DMC1: variants seen among roughly 807,000 people sequenced by gnomAD.
The protein encoded by DMC1 is meiotic recombination protein DMC1 homolog.
In DMC1, 27 loss-of-function variants were observed where a neutral mutation model predicts 50.1. The ratio of observed to expected loss-of-function variants is 0.54; its 90% confidence interval spans 0.40 to 0.74. The LOEUF (loss-of-function observed/expected upper bound fraction) is 0.74. Ranked by LOEUF, DMC1 falls within the 30% of genes least tolerant of loss-of-function variation. The pLI is 0.00. For synonymous variants in DMC1, 148 were observed against 136.1 expected (o/e 1.09, Z -0.61); for missense variants, 295 against 420.2 (o/e 0.70, Z 2.60).
intron 12 of DMC1, among the ~76,000 whole-genome samples, chr22:38,522,641 A>G (rs2090041603): frequency 1.3e-5 from 2 of 152,156 alleles, no homozygotes; most frequent in South Asian, 4.2e-4. Context: ...GCACAAACTA[A>G]AGGTTATACT....
At chr22:38,516,112 A>G (rs546346223), downstream of DMC1, among the ~76,000 whole-genome samples, 4 of 152,326 alleles carry the variant, frequency 2.6e-5, no homozygotes, top group South Asian at 6.2e-4. Context: ...AGAAAAGCTC[A>G]GTGGGCACTG....
intron 4 of DMC1, among the ~76,000 whole-genome samples, chr22:38,564,062 A>G (rs984817223): frequency 2.0e-5 from 3 of 152,038 alleles, no homozygotes; most frequent in African/African-American, 7.2e-5. Context: ...CTAGCTACTG[A>G]GGAGGCTGAG....
At chr22:38,525,783 TACA>T (rs1258636575) in intron 12 of DMC1, among the ~76,000 whole-genome samples, 1 of 151,700 alleles carries the variant, frequency 6.6e-6, no homozygotes, top group East Asian at 1.9e-4. Flanking sequence ...TCTACAAAAA[TACA>T]ACAATTATCT....
intron 4 of DMC1, among the ~76,000 whole-genome samples, chr22:38,565,319 A>G (rs1347039599): frequency 6.6e-6 from 1 of 152,142 alleles, no homozygotes; most frequent in African/African-American, 2.4e-5. Context: ...AGAACTAGCT[A>G]AAACAGGGTC....
intron 5 of DMC1, 66 bp from the exon 6 acceptor site, chr22:38,555,475 T>C: frequency 9.7e-7 from 1 of 1,026,312 alleles, no homozygotes; most frequent in South Asian, 1.3e-5. Context: ...GGAGAAAGTA[T>C]TCATATCATT....
intron 8 of DMC1, 54 bp from the exon 9 acceptor site, chr22:38,539,466 C>A: frequency 1.5e-6 from 2 of 1,332,246 alleles, no homozygotes; most frequent in Non-Finnish European, 2.2e-6. Flanking sequence ...AAAGTTTAGA[C>A]AACCACTACA....
the DMC1 span, among the ~76,000 whole-genome samples, chr22:38,509,709 G>A: frequency 4.0e-5 from 6 of 151,890 alleles, no homozygotes; most frequent in African/African-American, 1.5e-4. Context: ...TCACTCTGTC[G>A]CCCAGGCTGG....
chr22:38,532,992 G>A (rs2090169861), intron 12 of DMC1, among the ~76,000 whole-genome samples: 1 of 152,138 alleles, frequency 6.6e-6, no homozygotes, highest in South Asian at 2.1e-4. Context: ...TATTCATTGA[G>A]TGAATAAATG....
intron 4 of DMC1, among the ~76,000 whole-genome samples, chr22:38,566,199 C>T (rs996943709): frequency 2.0e-5 from 3 of 150,422 alleles, no homozygotes; most frequent in Admixed American, 6.6e-5. Context: ...GCTTGAACCC[C>T]GGAGGTGGAG....
chr22:38,566,599 G>A lies in DMC1; in HGVS notation c.234C>T (p.Asn78=), dbSNP rs2090583554. The A allele has an allele frequency of 6.8e-6, 11 of 1,614,164 alleles. No homozygotes were observed. Among genetic ancestry groups the A allele is most frequent in the Non-Finnish European group, 9.3e-6 (11 of 1,180,014 alleles). The change falls in exon 4 of 14, where the codon AAC becomes AAT. Residue 78 remains asparagine, a synonymous_variant. Coordinates refer to ENST00000216024, the MANE Select transcript of DMC1 (RefSeq NM_007068.4). ...AATGGATTTTGCTTACAATTAGTTT[G>A]TTCGCTGCCTCTTTAATCTTGTCTA... ...AKVDKIKEAA[N]KLIEPGFLTA...
chr22:38,561,230 T>G (rs11570397), intron 5 of DMC1, among the ~76,000 whole-genome samples: 3,370 of 151,668 alleles, frequency 0.022, 49 homozygotes, highest in Middle Eastern at 0.051. Flanking sequence ...TAGGATGATC[T>G]CAAGAGATCC....
At chr22:38,565,023 C>A (rs905095891) in intron 4 of DMC1, among the ~76,000 whole-genome samples, 1 of 152,224 alleles carries the variant, frequency 6.6e-6, no homozygotes, top group Non-Finnish European at 1.5e-5. Flanking sequence ...CTCAGACTCA[C>A]TGGGAATGAG....
chr22:38,531,756 A>G (rs984987809), intron 12 of DMC1, among the ~76,000 whole-genome samples: 2 of 152,206 alleles, frequency 1.3e-5, no homozygotes, highest in Non-Finnish European at 2.9e-5. Flanking sequence ...TGACTTACCC[A>G]GTAAAAATAC....
intron 7 of DMC1, among the ~76,000 whole-genome samples, chr22:38,551,917 G>A (rs2090416297): frequency 7.1e-6 from 1 of 140,742 alleles, no homozygotes; most frequent in African/African-American, 2.7e-5. Context: ...CTGGAGTGCA[G>A]TGGCGCGATA....
At chr22:38,525,362 T>C (rs950005362) in intron 12 of DMC1, among the ~76,000 whole-genome samples, 12 of 152,270 alleles carry the variant, frequency 7.9e-5, no homozygotes, top group Middle Eastern at 6.8e-3. Flanking sequence ...AGAAGATAGA[T>C]TCCCCCAGTT....
intron 8 of DMC1, chr22:38,549,660 T>A (rs1886870383): frequency 5.5e-6 from 2 of 365,040 alleles, no homozygotes; most frequent in Non-Finnish European, 1.0e-5. Context: ...TTAAGCAACA[T>A]CTTTAGAGAA....
rs201225574 is a variant in DMC1 at position 38,536,217 on chromosome 22, T to TA, written c.836+1374dup. Among the ~76,000 whole-genome samples, 869 of 143,850 alleles carry TA rather than the reference T, an allele frequency of 6.0e-3. 16 individuals carry two copies. In the East Asian group the frequency reaches 0.063, roughly 10 times the overall value. The allele number at this position is 143,850 out of a possible 152,430, so 94.4% of individuals were successfully genotyped here. A position where few individuals can be genotyped will look rare whatever the true frequency, so the allele number is the denominator to read the frequency against. On this transcript the variant is annotated intron_variant, in intron 12 of 13. Transcript: ENST00000216024. ...GGTGACAGAGTGAAACCTTGTCTCTTAAAAAAAAAAAACACACACACACTT... is the reference window on the plus strand; with the variant it reads ...GGTGACAGAGTGAAACCTTGTCTCTTAAAAAAAAAAAAACACACACACACTT...
intron 12 of DMC1, among the ~76,000 whole-genome samples, chr22:38,523,725 G>A (rs1007569873): frequency 2.5e-4 from 38 of 151,738 alleles, no homozygotes; most frequent in African/African-American, 9.0e-4. Flanking sequence ...CTGAGATTGC[G>A]CCACTGTACT....
chr22:38,531,047 G>A (rs901716038), intron 12 of DMC1, among the ~76,000 whole-genome samples: 2 of 152,088 alleles, frequency 1.3e-5, no homozygotes, highest in African/African-American at 4.8e-5. Context: ...TCCAGCCTGG[G>A]TGACAACAAA....
Sources: gnomAD v4.1 joint callset for allele counts (sites outside exome capture counted in the v4.1 genomes callset) on GRCh38, gnomAD v4.1.1 for gene constraint, MANE v1.5 for transcripts, NCBI Gene and HGNC (gene_info 2026-07-23, HGNC 2026-07-21) for gene names.